The following CNTN4 variants were observed in gnomAD, a reference collection of about 807,000 sequenced individuals.
CNTN4 encodes the protein contactin-4.
In CNTN4, 77 loss-of-function variants were observed where a neutral mutation model predicts 122.5. The observed-to-expected ratio is 0.63, with a 90% CI of 0.52 to 0.76. The LOEUF is 0.76. Ranked by LOEUF, CNTN4 falls within the 30% of genes least tolerant of loss-of-function variation. The pLI is 0.00. For missense variants in CNTN4, 1,256 were observed against 1,259.1 expected (o/e 1.00, Z 0.04); for synonymous variants, 512 against 447.0 (o/e 1.15, Z -1.83).
intron 6 of CNTN4, among the ~76,000 whole-genome samples, chr3:2,776,881 G>A (rs554602229): frequency 7.9e-5 from 12 of 152,272 alleles, no homozygotes; most frequent in Admixed American, 4.6e-4. Flanking sequence ...TTAGGTATAC[G>A]ATGCAGAGAC....
At chr3:2,233,452 A>G (rs1379679601) in intron 2 of CNTN4, among the ~76,000 whole-genome samples, 1 of 152,176 alleles carries the variant, frequency 6.6e-6, no homozygotes, top group African/African-American at 2.4e-5. Flanking sequence ...CGTTAGGGCT[A>G]TATGCATTGA....
chr3:2,547,229 G>GGT (rs2078282356), intron 3 of CNTN4, among the ~76,000 whole-genome samples: 1 of 144,640 alleles, frequency 6.9e-6, no homozygotes, highest in Non-Finnish European at 1.5e-5. Flanking sequence ...GGTTTTGTAT[G>GGT]ATATTTATTT....
intron 6 of CNTN4, among the ~76,000 whole-genome samples, chr3:2,758,327 C>A (rs1243013500): frequency 6.6e-6 from 1 of 151,972 alleles, no homozygotes; most frequent in African/African-American, 2.4e-5. Context: ...TAAGAGAAAC[C>A]GAAATGTCTT....
intron 13 of CNTN4, among the ~76,000 whole-genome samples, chr3:2,950,202 A>G (rs1301273194): frequency 6.6e-6 from 1 of 152,218 alleles, no homozygotes; most frequent in Non-Finnish European, 1.5e-5. Flanking sequence ...CTAGCACTGG[A>G]GTGGGATGCT....
At chr3:2,343,700 G>A (rs978889527) in intron 3 of CNTN4, among the ~76,000 whole-genome samples, 1 of 152,084 alleles carries the variant, frequency 6.6e-6, no homozygotes, top group African/African-American at 2.4e-5. Context: ...CCTATTCTTT[G>A]TTCAAAATGC....
At chr3:2,546,770 TAGA>T (rs1353731754) in intron 3 of CNTN4, among the ~76,000 whole-genome samples, 1 of 151,934 alleles carries the variant, frequency 6.6e-6, no homozygotes, top group Non-Finnish European at 1.5e-5. Context: ...TTCAGCAGAG[TAGA>T]AGAAGAAGAA....
chr3:2,883,254 T>A lies in CNTN4; in HGVS notation c.755+7T>A, dbSNP rs1559616812. 2 of 1,607,718 alleles carry A rather than the reference T, an allele frequency of 1.2e-6. No individual in the cohort carries two copies. The highest frequency in any genetic ancestry group is 1.7e-6 in the Non-Finnish European group (2 of 1,175,070). On this transcript the variant is annotated splice_region_variant and intron_variant, in intron 9 of 24. Coordinates refer to ENST00000418658, the MANE Select transcript of CNTN4 (RefSeq NM_175607.3). ...AATGCTTTGCTTTAGGAAAGTAAGT[T>A]CTGGTTTGCGTTCCTTCTCATCCTC...
At chr3:2,912,708 T>C (rs951637860) in intron 12 of CNTN4, among the ~76,000 whole-genome samples, 1 of 152,206 alleles carries the variant, frequency 6.6e-6, no homozygotes, top group Non-Finnish European at 1.5e-5. Flanking sequence ...TTTTTATACA[T>C]GATTGAAGTT....
chr3:2,567,037 A>T lies in CNTN4; in HGVS notation c.-88-4379A>T, dbSNP rs140278590. Among the ~76,000 whole-genome samples, 539 of 152,210 alleles carry T rather than the reference A, an allele frequency of 3.5e-3. 6 individuals carry two copies. The highest frequency in any genetic ancestry group is 0.012 in the African/African-American group (496 of 41,514). Reference sequence around the variant, plus strand: ...TCTTTTTAGGTCTTTCCCTTCTTGAAAGTCATTCTCACCCTCCTCGTAGAC... The same window carrying T: ...TCTTTTTAGGTCTTTCCCTTCTTGATAGTCATTCTCACCCTCCTCGTAGAC... On this transcript the variant is annotated intron_variant, in intron 3 of 24. Transcript: ENST00000418658.
At chr3:2,916,114 G>C (rs1184545165) in intron 12 of CNTN4, among the ~76,000 whole-genome samples, 1 of 152,214 alleles carries the variant, frequency 6.6e-6, no homozygotes, top group Non-Finnish European at 1.5e-5. Context: ...ACAAAAGTGT[G>C]CATATAGTTA....
At chr3:2,125,916 T>TGA (rs1398307491) in intron 2 of CNTN4, among the ~76,000 whole-genome samples, 1 of 151,534 alleles carries the variant, frequency 6.6e-6, no homozygotes, top group Non-Finnish European at 1.5e-5. Flanking sequence ...TGTGTGTGTG[T>TGA]GTGTGTGTGT....
chr3:3,009,635 G>C (rs35477470), intron 14 of CNTN4, among the ~76,000 whole-genome samples: 1 of 152,098 alleles, frequency 6.6e-6, no homozygotes, highest in Admixed American at 6.5e-5. Flanking sequence ...GGGTTTCACC[G>C]TGTTAGCCAG....
intron 2 of CNTN4, among the ~76,000 whole-genome samples, chr3:2,306,390 AATTGCTAATG>A (rs1405053780): frequency 6.6e-6 from 1 of 152,294 alleles, no homozygotes; most frequent in Non-Finnish European, 1.5e-5. Flanking sequence ...GCATGTCTCT[AATTGCTAATG>A]ATTTGAGCAT....
In CNTN4 at chr3:2,604,163, A is replaced by G. The variant is rs190366979; in HGVS notation, c.55+32605A>G. On this transcript the variant is annotated intron_variant, in intron 4 of 24. Transcript: ENST00000418658. ...AAGTAGGATTCTACCATATATCCAG[A>G]GAGATATCACTAATGACAACCACAC... 4.6e-5 allele frequency among the ~76,000 whole-genome samples: 7 copies of G among 152,300 alleles called. No homozygotes were observed. The East Asian group carries it at 1.4e-3, about 29-fold the overall frequency.
At chr3:2,961,015 G>T (rs1483846042) in intron 13 of CNTN4, among the ~76,000 whole-genome samples, 1 of 132,178 alleles carries the variant, frequency 7.6e-6, no homozygotes, top group Non-Finnish European at 1.7e-5. Flanking sequence ...TGGATCACGA[G>T]GTCAGGAGAT....
intron 2 of CNTN4, among the ~76,000 whole-genome samples, chr3:2,117,782 A>G (rs1038304418): frequency 6.6e-6 from 1 of 152,212 alleles, no homozygotes; most frequent in Non-Finnish European, 1.5e-5. Context: ...TTTATTAGAC[A>G]CGCAGGGTTT....
At chr3:2,240,990 C>A (rs1161223056) in intron 2 of CNTN4, among the ~76,000 whole-genome samples, 1 of 151,920 alleles carries the variant, frequency 6.6e-6, no homozygotes, top group African/African-American at 2.4e-5. Context: ...TGATTATATG[C>A]CATTAGTAAA....
chr3:2,862,210 A>C (rs1219347756), intron 7 of CNTN4, among the ~76,000 whole-genome samples: 1 of 152,246 alleles, frequency 6.6e-6, no homozygotes, highest in Non-Finnish European at 1.5e-5. Flanking sequence ...AACGAAGCAT[A>C]ATATAGCTCT....
intron 2 of CNTN4, among the ~76,000 whole-genome samples, chr3:2,259,530 A>G (rs192866495): frequency 6.6e-6 from 1 of 152,316 alleles, no homozygotes; most frequent in Admixed American, 6.5e-5. Context: ...TAATGGACTC[A>G]CAGTTCCACG....
Sources: allele counts gnomAD v4.1 joint callset (sites outside exome capture counted in the v4.1 genomes callset), GRCh38; gene constraint gnomAD v4.1.1; transcripts MANE v1.5; gene names NCBI Gene and HGNC (gene_info 2026-07-23, HGNC 2026-07-21).